The following PIK3R6 variants were observed in gnomAD, a reference collection of about 807,000 sequenced individuals.
PIK3R6 encodes the protein phosphoinositide 3-kinase regulatory subunit 6.
A neutral mutation model predicts 84.9 loss-of-function variants in PIK3R6; 91 were observed. The ratio of observed to expected loss-of-function variants is 1.07; its 90% confidence interval spans 0.90 to 1.28. The LOEUF (loss-of-function observed/expected upper bound fraction) is 1.28, where lower values mean the gene tolerates loss of function less well. Among genes scored for constraint, PIK3R6 ranks in the 50% most tolerant of loss-of-function variants. The probability of loss-of-function intolerance (pLI) is 0.00; values close to 1 mark genes in which losing one functional copy is unlikely to be tolerated. For synonymous variants in PIK3R6, 416 were observed against 411.4 expected, an observed-to-expected ratio of 1.01 and a Z score of -0.13; for missense variants, 996 against 985.1, an observed-to-expected ratio of 1.01 and a Z score of -0.15.
rs528971316 is a variant in PIK3R6 at position 8,837,941 on chromosome 17, T to G, written c.190-70A>C. 4 of 1,409,608 alleles carry G rather than the reference T, an allele frequency of 2.8e-6. No homozygotes were observed. In the Admixed American group the frequency reaches 5.1e-5, roughly 18 times the overall value. The allele number at this position is 1,409,608 out of a possible 1,614,324, so 87.3% of individuals were successfully genotyped here. A position where few individuals can be genotyped will look rare whatever the true frequency, so the allele number is the denominator to read the frequency against. On this transcript the variant is annotated intron_variant, in intron 4 of 19. Transcript: ENST00000619866. ...CCCCACTTCATAGCGGGAGGCAGTC[T>G]AGGCTGGGAGTGGGCAGGAGATGGG...
chr17:8,843,807 G>A (rs9891154), intron 2 of PIK3R6, among the ~76,000 whole-genome samples: 34,200 of 151,946 alleles, frequency 0.23, 4,050 homozygotes, highest in East Asian at 0.33. Context: ...CCCTTAGATA[G>A]GCACAGCTTC....
intron 18 of PIK3R6, among the ~76,000 whole-genome samples, chr17:8,817,626 G>C (rs183023263): frequency 1.3e-3 from 191 of 152,082 alleles, no homozygotes; most frequent in African/African-American, 4.4e-3. Context: ...TGGTGACAGA[G>C]TGAGACTCCG....
chr17:8,849,740 G>T, intron 2 of PIK3R6, 42 bp downstream of exon 2: 1 of 1,590,676 alleles, frequency 6.3e-7, no homozygotes. Flanking sequence ...TTCCCCACTC[G>T]GCAGCAGGCT....
chr17:8,851,098 T>C lies in PIK3R6; in HGVS notation c.-91-1213A>G, dbSNP rs1015116139. Among the ~76,000 whole-genome samples, 3 of 144,984 alleles carry C rather than the reference T, an allele frequency of 2.1e-5. No homozygotes were observed. The East Asian group carries it at 5.8e-4, about 28-fold the overall frequency. ...TTATTGGACAAGGCCAGCTTCACCT[T>C]GATACCAAAATCTAATAAAGGTAGT... On this transcript the variant is annotated intron_variant, in intron 1 of 19. Transcript: ENST00000619866.
intron 18 of PIK3R6, among the ~76,000 whole-genome samples, chr17:8,804,594 C>G (rs929143669): frequency 1.3e-5 from 2 of 152,188 alleles, no homozygotes; most frequent in African/African-American, 4.8e-5. Context: ...TTACCTGCTG[C>G]AGACACAGAG....
At chr17:8,829,644 A>T in intron 10 of PIK3R6, 62 bp downstream of exon 10, 1 of 1,470,130 alleles carries the variant, frequency 6.8e-7, no homozygotes, top group African/African-American at 1.4e-5. Flanking sequence ...ACACTCATGC[A>T]CGCATACACA....
At position 8,835,421 on chromosome 17, in the gene PIK3R6, G is replaced by A. The variant is rs1024850973; in HGVS notation, c.497C>T (p.Ala166Val). 5.0e-6 allele frequency: 8 copies of A among 1,592,272 alleles called. No homozygotes were observed. Among genetic ancestry groups the A allele is most frequent in the African/African-American group, 1.3e-5 (1 of 74,546 alleles). Residue 166 changes from alanine (A) to valine (V), a missense_variant, in exon 8 of 20, where the codon GCG becomes GTG. By Grantham distance (64) the Ala-to-Val change is moderately conservative. Transcript: ENST00000619866. ...CAGTAGCAGAGCACTGCACACAGACGCAGACACCAGCTCAGGATCCACGAA... is the reference window on the plus strand; with the variant it reads ...CAGTAGCAGAGCACTGCACACAGACACAGACACCAGCTCAGGATCCACGAA... ...FLFVDPELVSASVCSALLLEI... is the reference protein window; with the variant it reads ...FLFVDPELVSVSVCSALLLEI...
intron 13 of PIK3R6, among the ~76,000 whole-genome samples, chr17:8,824,559 T>C (rs2151217806): frequency 6.6e-6 from 1 of 152,204 alleles, no homozygotes; most frequent in East Asian, 1.9e-4. Context: ...AATAATGCTG[T>C]CATTGCTCAC....
rs112750429 is a variant in PIK3R6, at chr17:8,814,215, C to CTTTTTTTTTT, written c.1995+4858_1995+4867dup. 2.1e-3 allele frequency among the ~76,000 whole-genome samples: 179 copies of CTTTTTTTTTT among 85,526 alleles called. 10 individuals are homozygous for CTTTTTTTTTT. Among genetic ancestry groups the CTTTTTTTTTT allele is most frequent in the African/African-American group, 5.7e-3 (118 of 20,610 alleles). The allele number at this position is 85,526 out of a possible 152,430, so 56.1% of individuals were successfully genotyped here. A position where few individuals can be genotyped will look rare whatever the true frequency, so the allele number is the denominator to read the frequency against. Reference sequence around the variant, plus strand: ...TCCACTCTTTAGTTCAGAGAGAGATCTTTTTTTTTTTTTTTTTTTTTTGAG... The same window carrying CTTTTTTTTTT: ...TCCACTCTTTAGTTCAGAGAGAGATCTTTTTTTTTTTTTTTTTTTTTTTTTTTTTTTTGAG... On this transcript the variant is annotated intron_variant, in intron 18 of 19. Transcript: ENST00000619866.
rs768485058 is a variant in PIK3R6 at position 8,823,094 on chromosome 17, G to C, written c.1627-8C>G. 1.9e-6 allele frequency: 3 copies of C among 1,575,186 alleles called. No individual in the cohort carries two copies. The highest frequency in any genetic ancestry group is 1.7e-5 in the Admixed American group (1 of 59,854). ...CAGGTCACTGAAAAAGATCTGGAGA[G>C]AGGAAGGGAGGGTGGCATTTCCTGG... On this transcript the variant is annotated splice_polypyrimidine_tract_variant and splice_region_variant and intron_variant, in intron 14 of 19. Coordinates refer to ENST00000619866, the MANE Select transcript of PIK3R6 (RefSeq NM_001010855.4).
In PIK3R6 at chr17:8,867,596, T is replaced by A. The variant is rs2089441522; in HGVS notation, c.-159A>T. 1 of 511,840 alleles carries A rather than the reference T, an allele frequency of 2.0e-6. No individual in the cohort carries two copies. The highest frequency in any genetic ancestry group is 5.6e-5 in the East Asian group (1 of 18,016). 31.7% of individuals were successfully genotyped at this position (511,840 alleles called of 1,614,324 possible). A position where few individuals can be genotyped will look rare whatever the true frequency, so the allele number is the denominator to read the frequency against. The stretch of plus-strand genomic sequence containing the variant: ...CAACTCCCCACGGTCCTGAGCGAGG[T>A]CCCCAGTCCCAGAGAAGCAGATGTC... On this transcript the variant is annotated 5_prime_UTR_variant, in exon 1 of 20. Coordinates refer to ENST00000619866, the MANE Select transcript of PIK3R6 (RefSeq NM_001010855.4).
At chr17:8,833,146 T>C (rs1319936220) in intron 8 of PIK3R6, 101 bp from the exon 9 acceptor site, 3 of 1,412,050 alleles carry the variant, frequency 2.1e-6, no homozygotes, top group South Asian at 1.5e-5. Flanking sequence ...AGGTGACACC[T>C]CTCCGCTGCC....
In PIK3R6 at chr17:8,803,014, A is replaced by G; in HGVS notation, c.*259T>C. On this transcript the variant is annotated 3_prime_UTR_variant, in exon 20 of 20. Coordinates refer to ENST00000619866, the MANE Select transcript of PIK3R6 (RefSeq NM_001010855.4). The surrounding 1 kb of genome is among the most constrained non-coding windows in gnomAD (Gnocchi z 5.0). ...GAATTGAAGCTAAATGAAGGAGTAG[A>G]CATTTGTATGAGAAGCTGGGCTTGG... 1 of 478,696 alleles carries G rather than the reference A, an allele frequency of 2.1e-6. No homozygotes were observed. The allele number at this position is 478,696 out of a possible 1,614,324, so 29.7% of individuals were successfully genotyped here.
intron 1 of PIK3R6, among the ~76,000 whole-genome samples, chr17:8,851,495 C>CCAAAACAAAA (rs564065008): frequency 6.6e-6 from 1 of 151,936 alleles, no homozygotes; most frequent in Non-Finnish European, 1.5e-5. Context: ...AGACTCCGTC[C>CCAAAACAAAA]CAAAACAAAA....
intron 1 of PIK3R6, among the ~76,000 whole-genome samples, chr17:8,863,816 G>A (rs970971757): frequency 2.0e-4 from 30 of 152,204 alleles, no homozygotes; most frequent in Non-Finnish European, 3.5e-4. Flanking sequence ...TTACAGGCGT[G>A]AGCCACCGCG....
Position 8,829,790 on chromosome 17 carries a change from C to T in PIK3R6, c.805G>A (p.Asp269Asn). 1 of 1,550,608 alleles carries T rather than the reference C, an allele frequency of 6.4e-7. No homozygotes were observed. The highest frequency in any genetic ancestry group is 8.7e-7 in the Non-Finnish European group (1 of 1,146,764). Residue 269 changes from aspartate to asparagine, a missense_variant and splice_region_variant, in exon 10 of 20, where the codon GAC becomes AAC. Asp to Asn is a conservative substitution (Grantham distance 23). Coordinates refer to ENST00000619866, the MANE Select transcript of PIK3R6 (RefSeq NM_001010855.4). The part of the protein sequence containing the change: ...LGPAAGRCGG[D>N]LVQERPPSIP... ...CTTGGTGGCCGCTCTTGGACAAGGT[C>T]ACCTGCAGAAAGGAGCAGGCTGTGG...
At chr17:8,831,235 T>C (rs1256194490) in intron 9 of PIK3R6, among the ~76,000 whole-genome samples, 1 of 108,588 alleles carries the variant, frequency 9.2e-6, no homozygotes, top group East Asian at 2.7e-4. Flanking sequence ...AAGGCTGAGG[T>C]GGGAGGATCG....
intron 18 of PIK3R6, among the ~76,000 whole-genome samples, chr17:8,818,047 G>A (rs555142773): frequency 4.6e-5 from 7 of 152,180 alleles, no homozygotes; most frequent in Non-Finnish European, 7.3e-5. Flanking sequence ...GAGCCTGGAG[G>A]GGGAGGGGGA....
chr17:8,855,495 A>G (rs1472704440), intron 1 of PIK3R6, among the ~76,000 whole-genome samples: 1 of 152,214 alleles, frequency 6.6e-6, no homozygotes, highest in Non-Finnish European at 1.5e-5. Flanking sequence ...GGAAAGGCAG[A>G]TGAAAACCAT....
Sources: gnomAD v4.1 joint callset for allele counts (sites outside exome capture counted in the v4.1 genomes callset) on GRCh38, gnomAD v4.1.1 for gene constraint, Gnocchi (gnomAD v3.1) non-coding constraint, MANE v1.5 for transcripts, NCBI Gene and HGNC (gene_info 2026-07-23, HGNC 2026-07-21) for gene names.